SGMS2: variants seen among roughly 807,000 people sequenced by gnomAD.
The protein encoded by SGMS2 is phosphatidylcholine:ceramide cholinephosphotransferase 2.
SGMS2 carries 21 observed loss-of-function variants against 43.8 expected under a neutral mutation model. That is an observed-to-expected ratio of 0.48 (90% CI 0.34 to 0.69). SGMS2 has a LOEUF of 0.69. Among genes scored for constraint, SGMS2 ranks in the 30% least tolerant of loss-of-function variants. The pLI, the probability that SGMS2 is intolerant of heterozygous loss-of-function variation, is 0.01. For missense variants in SGMS2, 384 were observed against 443.2 expected (o/e 0.87, Z 1.20); for synonymous variants, 167 against 160.6 (o/e 1.04, Z -0.30).
intron 1 of SGMS2, among the ~76,000 whole-genome samples, chr4:107,828,990 A>G (rs567510124): frequency 5.3e-5 from 8 of 151,586 alleles, no homozygotes; most frequent in African/African-American, 1.7e-4. Context: ...AGTATAGCAG[A>G]ATGGAGAGGT....
In SGMS2 at chr4:107,885,082, C is replaced by T. The variant is rs149654144; in HGVS notation, c.-244-10228C>T. Among the ~76,000 whole-genome samples the T allele has an allele frequency of 1.6e-4, 24 of 152,218 alleles. No individual in the cohort carries two copies. The East Asian group carries it at 4.4e-3, about 28-fold the overall frequency. On this transcript the variant is annotated intron_variant, in intron 2 of 6. Transcript: ENST00000690982. ...GCCAGAGTGCAAAGCATATGCCAAGCCTTCTGAGTCTTCTTACATTGCAAA... is the reference window on the plus strand; with the variant it reads ...GCCAGAGTGCAAAGCATATGCCAAGTCTTCTGAGTCTTCTTACATTGCAAA...
At chr4:107,891,865 T>G (rs912238132) in intron 2 of SGMS2, among the ~76,000 whole-genome samples, 2 of 152,102 alleles carry the variant, frequency 1.3e-5, no homozygotes, top group Non-Finnish European at 2.9e-5. Flanking sequence ...AAAAGGAAGA[T>G]GGAGCCTACA....
At chr4:107,846,419 A>G (rs1193633061) in intron 1 of SGMS2, among the ~76,000 whole-genome samples, 1 of 150,878 alleles carries the variant, frequency 6.6e-6, no homozygotes, top group Non-Finnish European at 1.5e-5. Context: ...AATTTTATCC[A>G]TGTCCCTACA....
At chr4:107,856,235 A>AAT (rs1178068783) in intron 1 of SGMS2, among the ~76,000 whole-genome samples, 1 of 152,208 alleles carries the variant, frequency 6.6e-6, no homozygotes, top group Non-Finnish European at 1.5e-5. Flanking sequence ...CATATACTTT[A>AAT]AAATAAATCA....
intron 3 of SGMS2, 53 bp from the exon 4 acceptor site, chr4:107,899,522 G>T: frequency 8.0e-7 from 1 of 1,245,090 alleles, no homozygotes; most frequent in South Asian, 1.3e-5. Context: ...TTTTCATTAG[G>T]AGTAAAACCA....
intron 2 of SGMS2, chr4:107,867,915 T>C (rs541405873): frequency 8.5e-5 from 13 of 152,330 alleles, no homozygotes; most frequent in African/African-American, 2.9e-4. Flanking sequence ...GAGCACAGGC[T>C]ATATAAATTT....
intron 2 of SGMS2, among the ~76,000 whole-genome samples, chr4:107,880,730 T>G (rs1445798326): frequency 6.6e-6 from 1 of 151,756 alleles, no homozygotes; most frequent in Non-Finnish European, 1.5e-5. Flanking sequence ...ATGGCATGCT[T>G]GTAATCCCAG....
rs1342909616 is a variant in SGMS2, at chr4:107,903,516, T to C, written c.727+130T>C. 1.8e-5 allele frequency: 13 copies of C among 727,964 alleles called. No homozygotes were observed. The East Asian group carries it at 3.2e-4, about 18-fold the overall frequency. 45.1% of individuals were successfully genotyped at this position (727,964 alleles called of 1,614,324 possible). On this transcript the variant is annotated intron_variant, in intron 5 of 6. Transcript: ENST00000690982. ...AAAGAGACGGATGTGTGTGTATATA[T>C]GTATGTGAATGTGAATGTGTGTGTG...
rs139736623 is a variant in SGMS2, at chr4:107,828,955, T to A, written c.-327+3702T>A. On this transcript the variant is annotated intron_variant, in intron 1 of 6. Transcript: ENST00000690982. ...TTGTGTGTGTTATTTTTATTAGCCA[T>A]GAAGCTAAATGTCTTTTTTGGGGAA... 5.5e-3 allele frequency among the ~76,000 whole-genome samples: 842 copies of A among 152,316 alleles called. 4 individuals are homozygous for A. The highest frequency in any genetic ancestry group is 6.7e-3 in the Non-Finnish European group (457 of 68,022).
chr4:107,896,010 T>C lies in SGMS2; in HGVS notation c.455+2T>C. ...CCAGTGGCTGTTTCTGAGATACAAG[T>C]AAGTAAATCTAATGTTTTGAGGATT... On this transcript the variant is annotated splice_donor_variant, in intron 3 of 6. Coordinates refer to ENST00000690982, the MANE Select transcript of SGMS2 (RefSeq NM_001375905.1). LOFTEE classifies it high-confidence loss of function. The C allele has an allele frequency of 6.2e-7, 1 of 1,604,292 alleles. No homozygotes were observed. The highest frequency in any genetic ancestry group is 8.5e-7 in the Non-Finnish European group (1 of 1,173,222).
chr4:107,887,416 A>C (rs1729845726), intron 2 of SGMS2, among the ~76,000 whole-genome samples: 1 of 152,248 alleles, frequency 6.6e-6, no homozygotes, highest in Admixed American at 6.5e-5. Flanking sequence ...ATGTACATTA[A>C]GTCATATCAG....
At chr4:107,905,551 A>T (rs1731485946) in intron 5 of SGMS2, among the ~76,000 whole-genome samples, 1 of 152,186 alleles carries the variant, frequency 6.6e-6, no homozygotes, top group East Asian at 1.9e-4. Context: ...CCTCTGAGGA[A>T]TGCAGTATTT....
At chr4:107,901,427 T>C (rs368760744) in intron 4 of SGMS2, among the ~76,000 whole-genome samples, 1 of 152,224 alleles carries the variant, frequency 6.6e-6, no homozygotes, top group South Asian at 2.1e-4. Context: ...CCTGTGTTGC[T>C]GACTCTATAG....
intron 1 of SGMS2, among the ~76,000 whole-genome samples, chr4:107,838,533 T>C (rs536924216): frequency 4.8e-4 from 73 of 152,274 alleles, no homozygotes; most frequent in African/African-American, 1.7e-3. Context: ...TTGTTAGCCT[T>C]CACTGGTTAC....
intron 2 of SGMS2, among the ~76,000 whole-genome samples, chr4:107,870,247 CT>C (rs1312912753): frequency 1.3e-5 from 2 of 152,022 alleles, no homozygotes; most frequent in African/African-American, 4.8e-5. Context: ...TGTCTGTCCT[CT>C]GTAAGTAAGA....
At chr4:107,881,273 T>C (rs1729321030) in intron 2 of SGMS2, among the ~76,000 whole-genome samples, 2 of 151,932 alleles carry the variant, frequency 1.3e-5, no homozygotes, top group South Asian at 4.2e-4. Flanking sequence ...AAAAAAAAAG[T>C]TCATAATTGA....
At chr4:107,896,091 T>C in intron 3 of SGMS2, 83 bp downstream of exon 3, 1 of 1,284,866 alleles carries the variant, frequency 7.8e-7, no homozygotes, top group Non-Finnish European at 1.1e-6. Flanking sequence ...TTTTTCCTTT[T>C]TTTCCCCCAA....
At chr4:107,883,435 C>T (rs1578605021) in intron 2 of SGMS2, among the ~76,000 whole-genome samples, 1 of 152,188 alleles carries the variant, frequency 6.6e-6, no homozygotes, top group Admixed American at 6.5e-5. Flanking sequence ...GTCCCTCAGC[C>T]TCCCAAGTAG....
At chr4:107,836,449 G>A (rs1470624218) in intron 1 of SGMS2, among the ~76,000 whole-genome samples, 1 of 152,172 alleles carries the variant, frequency 6.6e-6, no homozygotes, top group East Asian at 1.9e-4. Context: ...GAGGTTGTCT[G>A]TACCTTCGAT....
Sources: gnomAD v4.1 joint callset for allele counts (sites outside exome capture counted in the v4.1 genomes callset) on GRCh38, gnomAD v4.1.1 for gene constraint, MANE v1.5 for transcripts, NCBI Gene and HGNC (gene_info 2026-07-23, HGNC 2026-07-21) for gene names.